SORCS2: variants seen among roughly 807,000 people sequenced by gnomAD.
SORCS2 encodes the protein VPS10 domain-containing receptor SorCS2.
SORCS2 carries 100 observed loss-of-function variants against 141.6 expected under a neutral mutation model. The ratio of observed to expected loss-of-function variants is 0.71; its 90% CI spans 0.60 to 0.83. The LOEUF (loss-of-function observed/expected upper bound fraction) is 0.83. Among genes scored for constraint, SORCS2 ranks in the 40% least tolerant of loss-of-function variants. The probability of loss-of-function intolerance (pLI) is 0.00; values close to 1 mark genes in which losing one functional copy is unlikely to be tolerated. For missense variants in SORCS2, 1,646 were observed against 1,560.2 expected (o/e 1.05, Z -0.93); for synonymous variants, 789 against 676.9 (o/e 1.17, Z -2.57).
chr4:7,614,294 C>A (rs564222350), intron 3 of SORCS2, among the ~76,000 whole-genome samples: 1 of 151,734 alleles, frequency 6.6e-6, no homozygotes, highest in Admixed American at 6.5e-5. Context: ...ACCCATCCAT[C>A]TATTCATCCA....
chr4:7,703,082 C>A (rs1725182057), intron 12 of SORCS2, among the ~76,000 whole-genome samples, 198 bp from the exon 13 acceptor site: 1 of 152,212 alleles, frequency 6.6e-6, no homozygotes, highest in African/African-American at 2.4e-5. Flanking sequence ...ATTCAGTCAT[C>A]CAGGGTGCGC....
intron 11 of SORCS2, among the ~76,000 whole-genome samples, 191 bp downstream of exon 11, chr4:7,689,779 G>A (rs1222867239): frequency 6.6e-6 from 1 of 152,268 alleles, no homozygotes; most frequent in East Asian, 1.9e-4. Flanking sequence ...GCCCAGGGTG[G>A]GCATATGGTA....
At chr4:7,452,803 G>A (rs1728551051) in intron 2 of SORCS2, among the ~76,000 whole-genome samples, 3 of 152,120 alleles carry the variant, frequency 2.0e-5, no homozygotes, top group South Asian at 2.1e-4. Context: ...AGTGTCAGGC[G>A]CCATGTTGGG....
At chr4:7,605,962 C>T (rs775277952) in intron 3 of SORCS2, among the ~76,000 whole-genome samples, 4 of 152,182 alleles carry the variant, frequency 2.6e-5, no homozygotes, top group African/African-American at 9.7e-5. Context: ...AGTGAAGTTA[C>T]AGATGCTGAA....
At chr4:7,398,037 T>C (rs892573876) in intron 2 of SORCS2, among the ~76,000 whole-genome samples, 5 of 152,192 alleles carry the variant, frequency 3.3e-5, no homozygotes, top group African/African-American at 1.2e-4. Flanking sequence ...TGGCTGGATG[T>C]GGAGGCAATG....
intron 3 of SORCS2, among the ~76,000 whole-genome samples, chr4:7,626,182 A>G (rs1243849657): frequency 6.6e-6 from 1 of 152,118 alleles, no homozygotes; most frequent in Non-Finnish European, 1.5e-5. Context: ...ATAAATAAAT[A>G]AAAGTATGAA....
chr4:7,434,835 G>A, intron 2 of SORCS2: 1 of 1,594,938 alleles, frequency 6.3e-7, no homozygotes, highest in Non-Finnish European at 8.5e-7. Flanking sequence ...GGCTGGCCCT[G>A]GTGGCCCCCA....
At chr4:7,685,420 C>T (rs930204676) in intron 10 of SORCS2, among the ~76,000 whole-genome samples, 1 of 152,174 alleles carries the variant, frequency 6.6e-6, no homozygotes, top group Non-Finnish European at 1.5e-5. Context: ...CACCTGGAAT[C>T]CCAGCACTTT....
At chr4:7,610,199 C>T (rs984912287) in intron 3 of SORCS2, among the ~76,000 whole-genome samples, 6 of 152,182 alleles carry the variant, frequency 3.9e-5, no homozygotes, top group East Asian at 1.9e-4. Flanking sequence ...CAATTAGCCG[C>T]GGTTGGAATG....
At chr4:7,632,835 G>C (rs1719985620) in intron 3 of SORCS2, among the ~76,000 whole-genome samples, 1 of 152,050 alleles carries the variant, frequency 6.6e-6, no homozygotes, top group Admixed American at 6.6e-5. Flanking sequence ...AGGGCCACCA[G>C]GCTGTTAGCC....
intron 1 of SORCS2, among the ~76,000 whole-genome samples, chr4:7,213,808 G>A (rs1402326374): frequency 2.0e-5 from 3 of 152,180 alleles, no homozygotes; most frequent in Admixed American, 6.5e-5. Context: ...GCCTCCCAAG[G>A]GCCCACCCCT....
chr4:7,390,337 A>G (rs961451786), intron 1 of SORCS2, among the ~76,000 whole-genome samples: 6 of 152,206 alleles, frequency 3.9e-5, no homozygotes, highest in African/African-American at 1.2e-4. Context: ...CTGCTTCACA[A>G]TCATTTCCCA....
chr4:7,377,397 G>A lies in SORCS2; in HGVS notation c.481-18891G>A, dbSNP rs139498307. On this transcript the variant is annotated intron_variant, in intron 1 of 26. Transcript: ENST00000507866. Reference sequence around the variant, plus strand: ...GACCTTCTGCCAAGGGTCTGATTCCGGTGGAAGGGAACACCGCATGAAGCC... The same window carrying A: ...GACCTTCTGCCAAGGGTCTGATTCCAGTGGAAGGGAACACCGCATGAAGCC... Among the ~76,000 whole-genome samples, 452 of 152,194 alleles carry A rather than the reference G, an allele frequency of 3.0e-3. 5 individuals carry two copies. Among genetic ancestry groups the A allele is most frequent in the African/African-American group, 0.01 (422 of 41,518 alleles).
chr4:7,551,691 C>G (rs915026034), intron 3 of SORCS2, among the ~76,000 whole-genome samples: 2 of 152,194 alleles, frequency 1.3e-5, no homozygotes, highest in Non-Finnish European at 2.9e-5. Context: ...GGCATGTATC[C>G]ACAACACCCT....
intron 1 of SORCS2, among the ~76,000 whole-genome samples, chr4:7,251,136 A>G (rs1299276697): frequency 6.6e-6 from 1 of 152,230 alleles, no homozygotes; most frequent in Non-Finnish European, 1.5e-5. Context: ...AATTCAAAGT[A>G]GCATGAGAAG....
intron 1 of SORCS2, among the ~76,000 whole-genome samples, chr4:7,390,678 T>C (rs1723802634): frequency 1.3e-5 from 2 of 152,148 alleles, no homozygotes; most frequent in Admixed American, 1.3e-4. Flanking sequence ...CACCGTGAAC[T>C]TCCCTTGGAT....
At chr4:7,296,229 ACCCCTG>A (rs1236018951) in intron 1 of SORCS2, among the ~76,000 whole-genome samples, 1 of 152,166 alleles carries the variant, frequency 6.6e-6, no homozygotes, top group African/African-American at 2.4e-5. Context: ...AACACCCGGA[ACCCCTG>A]CCCCTGCCCT....
At chr4:7,223,182 A>C (rs542731303) in intron 1 of SORCS2, among the ~76,000 whole-genome samples, 1 of 152,354 alleles carries the variant, frequency 6.6e-6, no homozygotes, top group East Asian at 1.9e-4. Context: ...CTAAGGAAAA[A>C]GAAACTGGAC....
intron 3 of SORCS2, among the ~76,000 whole-genome samples, chr4:7,548,470 A>G (rs1051840724): frequency 6.6e-6 from 1 of 152,174 alleles, no homozygotes; most frequent in Non-Finnish European, 1.5e-5. Context: ...AGCTGAAGCC[A>G]GGCACTCTGT....
Sources: gnomAD v4.1 joint callset for allele counts (sites outside exome capture counted in the v4.1 genomes callset) on GRCh38, gnomAD v4.1.1 for gene constraint, MANE v1.5 for transcripts, NCBI Gene and HGNC (gene_info 2026-07-23, HGNC 2026-07-21) for gene names.